The following KCNQ3 variants were observed in gnomAD, a reference collection of about 807,000 sequenced individuals.
The protein encoded by KCNQ3 is potassium voltage-gated channel subfamily KQT member 3.
KCNQ3 carries 30 observed loss-of-function variants against 92.5 expected under a neutral mutation model. The ratio of observed to expected loss-of-function variants is 0.32; its 90% confidence interval spans 0.24 to 0.44. The LOEUF (loss-of-function observed/expected upper bound fraction) is 0.44. Ranked by LOEUF, KCNQ3 falls within the 20% of genes least tolerant of loss-of-function variation. The probability of loss-of-function intolerance (pLI) is 1.00; values close to 1 mark genes in which losing one functional copy is unlikely to be tolerated. For synonymous variants in KCNQ3, 450 were observed against 468.8 expected (o/e 0.96, Z 0.52); for missense variants, 913 against 1,140.3 (o/e 0.80, Z 2.87).
At chr8:132,351,476 C>T (rs1235579061) in intron 1 of KCNQ3, among the ~76,000 whole-genome samples, 2 of 152,208 alleles carry the variant, frequency 1.3e-5, no homozygotes, top group Admixed American at 6.5e-5. Context: ...GACTGACGGG[C>T]TCACCCCTTA....
At chr8:132,311,753 G>A (rs1227035586) in intron 1 of KCNQ3, among the ~76,000 whole-genome samples, 3 of 152,318 alleles carry the variant, frequency 2.0e-5, no homozygotes, top group Middle Eastern at 3.4e-3. Flanking sequence ...CACCTCTGAA[G>A]ACACTGTCCT....
chr8:132,187,635 G>T (rs1827011266), intron 1 of KCNQ3, among the ~76,000 whole-genome samples: 1 of 152,154 alleles, frequency 6.6e-6, no homozygotes, highest in African/African-American at 2.4e-5. Context: ...TGGTGGTGGT[G>T]GTGGTGATGA....
At chr8:132,360,521 G>C (rs922065540) in intron 1 of KCNQ3, among the ~76,000 whole-genome samples, 43 of 152,312 alleles carry the variant, frequency 2.8e-4, no homozygotes, top group African/African-American at 8.4e-4. Context: ...CTGGTGGAAT[G>C]AGTGAAGGAA....
At chr8:132,160,195 CAA>C (rs1226114435) in intron 9 of KCNQ3, among the ~76,000 whole-genome samples, 1 of 152,136 alleles carries the variant, frequency 6.6e-6, no homozygotes, top group African/African-American at 2.4e-5. Flanking sequence ...TGAGGGAAGA[CAA>C]GAGCTGAGAT....
At chr8:132,445,399 T>A (rs914825327) in intron 1 of KCNQ3, among the ~76,000 whole-genome samples, 2 of 152,172 alleles carry the variant, frequency 1.3e-5, no homozygotes, top group African/African-American at 4.8e-5. Context: ...TCCTCCAGAC[T>A]CTGCGTTCAC....
At chr8:132,362,231 TA>T (rs929842779) in intron 1 of KCNQ3, among the ~76,000 whole-genome samples, 4 of 152,026 alleles carry the variant, frequency 2.6e-5, no homozygotes, top group African/African-American at 9.7e-5. Context: ...TAAACATACT[TA>T]AAAAAAACTC....
In KCNQ3 at chr8:132,480,214, T is replaced by G. The variant is rs371238607; in HGVS notation, c.319A>C (p.Ile107Leu). 1 of 1,613,188 alleles carries G rather than the reference T, an allele frequency of 6.2e-7. No individual in the cohort carries two copies. The highest frequency in any genetic ancestry group is 8.5e-7 in the Non-Finnish European group (1 of 1,179,568). The change falls in exon 1 of 15, where the codon ATC becomes CTC. Residue 107 changes from isoleucine to leucine, a missense_variant. Around this residue, in one of 6 missense-constraint regions of KCNQ3, gnomAD observed 183 missense variants for 167.7 expected, o/e 1.09. Coordinates refer to ENST00000388996, the MANE Select transcript of KCNQ3 (RefSeq NM_004519.4). ...AGGGCGTCGTAGATCAAAGTTTGGA[T>G]GCGCCGGTACTTGGCGTTGTTTCTC... The part of the protein sequence containing the change: ...VKRNNAKYRR[I>L]QTLIYDALER...
At position 132,140,138 on chromosome 8, in the gene KCNQ3, A is replaced by C; in HGVS notation, c.1506T>G (p.Tyr502Ter). 1 of 1,613,334 alleles carries C rather than the reference A, an allele frequency of 6.2e-7. No individual in the cohort carries two copies. The highest frequency in any genetic ancestry group is 8.5e-7 in the Non-Finnish European group (1 of 1,179,814). ...TGDPMAEDRG[Y>*]GNDFPIEDMI... ...TGTCTTCGATGGGGAAGTCATTCCC[A>C]TAGCCCCTGTCTTCCGCCATGGGGT... The change falls in exon 11 of 15, where the codon TAT (tyrosine) becomes TAG (stop). Residue 502 changes from tyrosine (Y) to a stop codon, truncating the protein, a stop_gained. Coordinates refer to ENST00000388996, the MANE Select transcript of KCNQ3 (RefSeq NM_004519.4). LOFTEE classifies it high-confidence loss of function.
chr8:132,195,775 T>C (rs1455185540), intron 1 of KCNQ3, among the ~76,000 whole-genome samples: 3 of 152,194 alleles, frequency 2.0e-5, no homozygotes, highest in Non-Finnish European at 4.4e-5. Flanking sequence ...AGAGACTTAC[T>C]GTAGATCCAA....
At chr8:132,478,128 A>G (rs1243247300) in intron 1 of KCNQ3, among the ~76,000 whole-genome samples, 1 of 152,228 alleles carries the variant, frequency 6.6e-6, no homozygotes, top group African/African-American at 2.4e-5. Context: ...TTCTTCTCAC[A>G]AAGTCTTAAA....
chr8:132,383,036 T>C (rs531720335), intron 1 of KCNQ3, among the ~76,000 whole-genome samples: 1 of 152,302 alleles, frequency 6.6e-6, no homozygotes, highest in East Asian at 1.9e-4. Context: ...AAGTACCTAA[T>C]TCTTCCTAAA....
intron 1 of KCNQ3, among the ~76,000 whole-genome samples, chr8:132,453,136 T>C (rs1020306311): frequency 6.6e-6 from 1 of 152,126 alleles, no homozygotes; most frequent in Admixed American, 6.5e-5. Flanking sequence ...TTGGATGGTC[T>C]AGGAAGGGCC....
rs542489013 is a variant in KCNQ3 at position 132,439,388 on chromosome 8, T to C, written c.386+40759A>G. On this transcript the variant is annotated intron_variant, in intron 1 of 14. Transcript: ENST00000388996. The stretch of plus-strand genomic sequence containing the variant: ...GTTAGGCAGCAGGACCGCGGCTTCA[T>C]GGCAAGCCCCCTGACTCCCCAGCAG... 2.6e-3 allele frequency among the ~76,000 whole-genome samples: 391 copies of C among 152,186 alleles called. 3 individuals carry two copies. Among genetic ancestry groups the C allele is most frequent in the Middle Eastern group, 6.8e-3 (2 of 294 alleles).
intron 12 of KCNQ3, among the ~76,000 whole-genome samples, chr8:132,135,691 G>A (rs1050469757): frequency 2.6e-5 from 4 of 151,932 alleles, no homozygotes; most frequent in East Asian, 1.9e-4. Flanking sequence ...CTTCATCCTC[G>A]TCTCTCGGAG....
Position 132,429,559 on chromosome 8 carries a change from C to T in KCNQ3, c.386+50588G>A, listed in dbSNP as rs898637414. Among the ~76,000 whole-genome samples, 16 of 152,134 alleles carry T rather than the reference C, an allele frequency of 1.1e-4. No homozygotes were observed. In the East Asian group the frequency reaches 2.9e-3, roughly 28 times the overall value. On this transcript the variant is annotated intron_variant, in intron 1 of 14. Transcript: ENST00000388996. The stretch of plus-strand genomic sequence containing the variant: ...GTCAATAAATAGAAGAAGAAAGAGC[C>T]CTAAGAATGAGAGTTTTCTGGCTGG...
intron 1 of KCNQ3, among the ~76,000 whole-genome samples, chr8:132,443,678 T>C (rs559725390): frequency 1.3e-5 from 2 of 152,210 alleles, no homozygotes; most frequent in South Asian, 4.2e-4. Flanking sequence ...TGAGAACTAC[T>C]GGGGTAGATG....
intron 1 of KCNQ3, among the ~76,000 whole-genome samples, chr8:132,326,974 G>A (rs981025996): frequency 1.3e-5 from 2 of 152,112 alleles, no homozygotes; most frequent in Non-Finnish European, 2.9e-5. Flanking sequence ...AACACCTACA[G>A]CCTCCGGCCA....
At chr8:132,304,606 T>C (rs1817358514) in intron 1 of KCNQ3, among the ~76,000 whole-genome samples, 1 of 152,304 alleles carries the variant, frequency 6.6e-6, no homozygotes, top group Non-Finnish European at 1.5e-5. Flanking sequence ...CAATTCCTTA[T>C]TCACAATATT....
chr8:132,315,234 T>C (rs1306728662), intron 1 of KCNQ3, among the ~76,000 whole-genome samples: 1 of 151,826 alleles, frequency 6.6e-6, no homozygotes, highest in Admixed American at 6.6e-5. Flanking sequence ...GGGGAAGGAA[T>C]GGAGTCGAGA....
Sources: allele counts gnomAD v4.1 joint callset (sites outside exome capture counted in the v4.1 genomes callset), GRCh38; gene constraint gnomAD v4.1.1; regional missense constraint gnomAD v4.1.1; transcripts MANE v1.5; gene names NCBI Gene and HGNC (gene_info 2026-07-23, HGNC 2026-07-21).